The following IFIT1B variants were observed in gnomAD, a reference collection of about 807,000 sequenced individuals.
The protein encoded by IFIT1B is interferon induced protein with tetratricopeptide repeats 1B.
A neutral mutation model predicts 2.5 loss-of-function variants in IFIT1B; 3 were observed. The observed-to-expected ratio is 1.21, with a 90% CI of 0.55 to 3.14. The LOEUF (loss-of-function observed/expected upper bound fraction) is 3.14. Ranked by LOEUF, IFIT1B falls within the 30% of genes most tolerant of loss-of-function variation. IFIT1B has a pLI of 0.03. For synonymous variants in IFIT1B, 196 were observed against 203.0 expected (o/e 0.97, Z 0.29); for missense variants, 545 against 556.5 (o/e 0.98, Z 0.21).
intron 1 of IFIT1B, among the ~76,000 whole-genome samples, chr10:89,379,468 A>G (rs1010224201): frequency 1.3e-5 from 2 of 152,186 alleles, no homozygotes; most frequent in African/African-American, 4.8e-5. Context: ...CACAAAATAT[A>G]TATTTCTTTT....
chr10:89,378,072 ACCTTGAAGGAGCCT>A lies in IFIT1B; in HGVS notation c.-61_-48del, dbSNP rs200301904. On this transcript the variant is annotated 5_prime_UTR_variant, in exon 1 of 2. The change creates a premature stop within an existing upstream ORF in the 5' untranslated region. Coordinates refer to ENST00000371809, the MANE Select transcript of IFIT1B (RefSeq NM_001010987.2). ...AGAAGCCCTAGAACTCTGTGGATGAACCTTGAAGGAGCCTCCAAGCCTGAACCAAAGCACTACAG... is the reference window on the plus strand; with the variant it reads ...AGAAGCCCTAGAACTCTGTGGATGAACCAAGCCTGAACCAAAGCACTACAG... 1,710 of 1,584,162 alleles carry A rather than the reference ACCTTGAAGGAGCCT, an allele frequency of 1.1e-3. 35 individuals carry two copies. In the East Asian group the frequency reaches 0.028, roughly 26 times the overall value.
rs1844194020 is a variant in IFIT1B at position 89,384,833 on chromosome 10, C to A, written c.*95C>A. 2.6e-6 allele frequency: 3 copies of A among 1,149,304 alleles called. No homozygotes were observed. Among genetic ancestry groups the A allele is most frequent in the South Asian group, 1.5e-5 (1 of 64,572 alleles). The allele number at this position is 1,149,304 out of a possible 1,614,324, so 71.2% of individuals were successfully genotyped here. On this transcript the variant is annotated 3_prime_UTR_variant, in exon 2 of 2. Transcript: ENST00000371809. The stretch of plus-strand genomic sequence containing the variant: ...AAACTTAAAGCTGTTGGAAATTTAC[C>A]TTATTTTGAGCCTTGAGAGGAATGT...
chr10:89,383,927 T>A lies in IFIT1B; in HGVS notation c.614T>A (p.Val205Asp). The A allele has an allele frequency of 1.2e-6, 2 of 1,614,168 alleles. No homozygotes were observed. The highest frequency in any genetic ancestry group is 1.3e-5 in the African/African-American group (1 of 75,030). ...AGGAATAAGGCATTTTCTCTGCACG[T>A]CCTAAAACGAGCTGTCAGGCTAAAT... ...SGRNKAFSLH[V>D]LKRAVRLNPD... The change falls in exon 2 of 2, where the codon GTC becomes GAC. Residue 205 changes from valine (V) to aspartate (D), a missense_variant. Transcript: ENST00000371809.
In IFIT1B at chr10:89,378,107, T is replaced by C. The variant is rs764439066; in HGVS notation, c.-29T>C. 5 of 1,613,620 alleles carry C rather than the reference T, an allele frequency of 3.1e-6. No homozygotes were observed. Among genetic ancestry groups the C allele is most frequent in the Non-Finnish European group, 4.2e-6 (5 of 1,179,650 alleles). On this transcript the variant is annotated 5_prime_UTR_variant, in exon 1 of 2. Coordinates refer to ENST00000371809, the MANE Select transcript of IFIT1B (RefSeq NM_001010987.2). ...AGCCTCCAAGCCTGAACCAAAGCAC[T>C]ACAGATCACCTGCTATCTTCATAGC...
chr10:89,383,228 A>C lies in IFIT1B; in HGVS notation c.6-91A>C. ...ATAATGGAGGCAGGGAAATTAGGATAGAGCATATTTGACTATTTGAAGTGC... is the reference window on the plus strand; with the variant it reads ...ATAATGGAGGCAGGGAAATTAGGATCGAGCATATTTGACTATTTGAAGTGC... On this transcript the variant is annotated intron_variant, in intron 1 of 1. Coordinates refer to ENST00000371809, the MANE Select transcript of IFIT1B (RefSeq NM_001010987.2). 5.4e-6 allele frequency: 6 copies of C among 1,111,870 alleles called. No individual in the cohort carries two copies. In the South Asian group the frequency reaches 9.1e-5, roughly 17 times the overall value. 68.9% of individuals were successfully genotyped at this position (1,111,870 alleles called of 1,614,324 possible). A position where few individuals can be genotyped will look rare whatever the true frequency, so the allele number is the denominator to read the frequency against.
chr10:89,383,775 A>C lies in IFIT1B; in HGVS notation c.462A>C (p.Gly154=). The C allele has an allele frequency of 6.2e-7, 1 of 1,614,228 alleles. No individual in the cohort carries two copies. Among genetic ancestry groups the C allele is most frequent in the South Asian group, 1.1e-5 (1 of 91,086 alleles). ...EEGWALAKCG[G]KNYERAKTCF... ...GATGGGCCTTGGCGAAGTGTGGTGG[A>C]AAGAATTATGAACGGGCCAAGACCT... Residue 154 remains glycine (G), a synonymous_variant, in exon 2 of 2, where the codon GGA becomes GGC. Coordinates refer to ENST00000371809, the MANE Select transcript of IFIT1B (RefSeq NM_001010987.2).
intron 1 of IFIT1B, among the ~76,000 whole-genome samples, chr10:89,382,445 G>A (rs1844170160): frequency 1.3e-5 from 2 of 152,168 alleles, no homozygotes; most frequent in South Asian, 4.1e-4. Context: ...AGAGGAGCGT[G>A]AACTATTGGG....
Position 89,384,702 on chromosome 10 carries a change from T to A in IFIT1B, c.1389T>A (p.Ala463=). ...VSDALLCYER[A]LRLAADLNPI... is the part of the protein sequence containing the mutation. ...ATGCTTTGCTGTGCTATGAGAGGGC[T>A]CTGAGGCTGGCTGCTGACCTGAACC... Residue 463 remains alanine, a synonymous_variant, in exon 2 of 2, where the codon GCT becomes GCA. Transcript: ENST00000371809. 2.5e-6 allele frequency: 4 copies of A among 1,613,936 alleles called. No individual in the cohort carries two copies. Among genetic ancestry groups the A allele is most frequent in the Non-Finnish European group, 3.4e-6 (4 of 1,179,882 alleles).
intron 1 of IFIT1B, among the ~76,000 whole-genome samples, chr10:89,380,399 C>T (rs1292674763): frequency 2.6e-5 from 4 of 151,512 alleles, no homozygotes; most frequent in Admixed American, 6.6e-5. Flanking sequence ...CACAGGCATA[C>T]AGGGATTAGG....
Position 89,384,134 on chromosome 10 carries a change from T to A in IFIT1B, c.821T>A (p.Leu274Ter). ...KGSVDKALEL[L>*]KMALETTPTS... The stretch of plus-strand genomic sequence containing the variant: ...TCTGTGGATAAAGCTCTTGAGCTCT[T>A]AAAAATGGCCTTGGAGACAACACCC... The change falls in exon 2 of 2, where the codon TTA (leucine) becomes TAA (stop). Residue 274 changes from leucine (L) to a stop codon, truncating the protein, a stop_gained. Transcript: ENST00000371809. LOFTEE classifies it low-confidence loss of function (END_TRUNC). 1 of 1,614,168 alleles carries A rather than the reference T, an allele frequency of 6.2e-7. No individual in the cohort carries two copies. Among genetic ancestry groups the A allele is most frequent in the South Asian group, 1.1e-5 (1 of 91,082 alleles).
rs1062962 is a variant in IFIT1B at position 89,384,064 on chromosome 10, G to T, written c.751G>T (p.Ala251Ser). ...AGCTCTGACCAGTATATCTTCACAG[G>T]CCTATGTCTTTCAATATGCAGCCAA... ...EEALTSISSQ[A>S]YVFQYAAKFY... is the part of the protein sequence containing the mutation. Residue 251 changes from alanine to serine, a missense_variant, in exon 2 of 2, where the codon GCC becomes TCC. Transcript: ENST00000371809. 3.0e-4 allele frequency: 483 copies of T among 1,614,188 alleles called. 7 individuals carry two copies. The South Asian group carries it at 5.0e-3, about 17-fold the overall frequency.
At chr10:89,381,358 A>G (rs1844161413) in intron 1 of IFIT1B, among the ~76,000 whole-genome samples, 1 of 152,104 alleles carries the variant, frequency 6.6e-6, no homozygotes, top group Non-Finnish European at 1.5e-5. Context: ...CTTCAGCACA[A>G]TATTAATTTT....
Position 89,383,857 on chromosome 10 carries a change from G to T in IFIT1B, c.544G>T (p.Ala182Ser). ...PENPEFNTGYAITVYRLDKFN... is the reference protein window; with the variant it reads ...PENPEFNTGYSITVYRLDKFN... ...AAACCCTGAATTCAATACTGGGTACGCAATCACCGTCTATCGCCTGGATAA... is the reference window on the plus strand; with the variant it reads ...AAACCCTGAATTCAATACTGGGTACTCAATCACCGTCTATCGCCTGGATAA... The change falls in exon 2 of 2, where the codon GCA becomes TCA. Residue 182 changes from alanine (A) to serine (S), a missense_variant. Physicochemically the swap from Ala to Ser is moderately conservative, Grantham distance 99 (BLOSUM62 1). Coordinates refer to ENST00000371809, the MANE Select transcript of IFIT1B (RefSeq NM_001010987.2). 6.2e-7 allele frequency: 1 copy of T among 1,614,182 alleles called. No individual in the cohort carries two copies. The highest frequency in any genetic ancestry group is 8.5e-7 in the Non-Finnish European group (1 of 1,180,036).
rs745407225 is a variant in IFIT1B, at chr10:89,384,562, A to G, written c.1249A>G (p.Lys417Glu). Reference protein sequence around the residue: ...KIEKMSHSREKLLNALEKLAK... With the variant: ...KIEKMSHSREELLNALEKLAK... Reference sequence around the variant, plus strand: ...AGAAAAAATGTCCCATTCCAGGGAAAAACTTCTCAATGCTTTAGAGAAATT... The same window carrying G: ...AGAAAAAATGTCCCATTCCAGGGAAGAACTTCTCAATGCTTTAGAGAAATT... The change falls in exon 2 of 2, where the codon AAA becomes GAA. Residue 417 changes from lysine to glutamate, a missense_variant. Physicochemically the swap from Lys to Glu is moderately conservative, Grantham distance 56 (BLOSUM62 1). Transcript: ENST00000371809. 6.2e-7 allele frequency: 1 copy of G among 1,614,216 alleles called. No homozygotes were observed. Among genetic ancestry groups the G allele is most frequent in the Admixed American group, 1.7e-5 (1 of 60,030 alleles).
chr10:89,384,649 A>T lies in IFIT1B; in HGVS notation c.1336A>T (p.Ile446Phe). 1.2e-5 allele frequency: 20 copies of T among 1,614,240 alleles called. No individual in the cohort carries two copies. The highest frequency in any genetic ancestry group is 1.5e-5 in the Non-Finnish European group (18 of 1,180,038). The change falls in exon 2 of 2, where the codon ATC becomes TTC. Residue 446 changes from isoleucine to phenylalanine, a missense_variant. Physicochemically the swap from Ile to Phe is conservative, Grantham distance 21 (BLOSUM62 0). Transcript: ENST00000371809. ...VVESVSLLGL[I>F]HKLKGEVSDA... Reference sequence around the variant, plus strand: ...GGAAAGTGTCAGCCTCCTTGGGCTTATCCACAAATTGAAAGGAGAAGTAAG... The same window carrying T: ...GGAAAGTGTCAGCCTCCTTGGGCTTTTCCACAAATTGAAAGGAGAAGTAAG...
intron 1 of IFIT1B, among the ~76,000 whole-genome samples, chr10:89,382,298 T>C (rs1464177174): frequency 6.6e-6 from 1 of 152,242 alleles, no homozygotes; most frequent in Non-Finnish European, 1.5e-5. Flanking sequence ...AAGTATAGAC[T>C]GTAAAGTAAT....
Position 89,384,599 on chromosome 10 carries a change from G to A in IFIT1B, c.1286G>A (p.Cys429Tyr), listed in dbSNP as rs780291471. ...LNALEKLAKRCIHQNVRVVES... is the reference protein window; with the variant it reads ...LNALEKLAKRYIHQNVRVVES... The stretch of plus-strand genomic sequence containing the variant: ...GCTTTAGAGAAATTGGCTAAAAGAT[G>A]TATTCACCAGAATGTACGGGTTGTG... Residue 429 changes from cysteine (C) to tyrosine (Y), a missense_variant, in exon 2 of 2, where the codon TGT becomes TAT. Physicochemically the swap from Cys to Tyr is radical, Grantham distance 194. Transcript: ENST00000371809. 8.1e-6 allele frequency: 13 copies of A among 1,614,180 alleles called. No individual in the cohort carries two copies. Among genetic ancestry groups the A allele is most frequent in the Non-Finnish European group, 1.1e-5 (13 of 1,180,016 alleles).
Position 89,384,592 on chromosome 10 carries a change from A to G in IFIT1B, c.1279A>G (p.Lys427Glu), listed in dbSNP as rs1844191010. The G allele has an allele frequency of 6.2e-7, 1 of 1,614,058 alleles. No homozygotes were observed. The highest frequency in any genetic ancestry group is 1.7e-5 in the Admixed American group (1 of 60,000). ...KLLNALEKLA[K>E]RCIHQNVRVV... is the part of the protein sequence containing the mutation. ...TCTCAATGCTTTAGAGAAATTGGCT[A>G]AAAGATGTATTCACCAGAATGTACG... Residue 427 changes from lysine (K) to glutamate (E), a missense_variant, in exon 2 of 2, where the codon AAA becomes GAA. Transcript: ENST00000371809.
chr10:89,382,333 T>C (rs1421362576), intron 1 of IFIT1B, among the ~76,000 whole-genome samples: 1 of 152,220 alleles, frequency 6.6e-6, no homozygotes, highest in African/African-American at 2.4e-5. Context: ...GAGGTAAATA[T>C]ACTTACATAG....
Sources: gnomAD v4.1 joint callset for allele counts (sites outside exome capture counted in the v4.1 genomes callset) on GRCh38, gnomAD v4.1.1 for gene constraint, MANE v1.5 for transcripts, NCBI Gene and HGNC (gene_info 2026-07-23, HGNC 2026-07-21) for gene names.